ALS2: variants seen among roughly 807,000 people sequenced by gnomAD.
ALS2 encodes the protein alsin.
Under a neutral mutation model 203.4 loss-of-function variants are expected in ALS2, and 117 were observed. That is an observed-to-expected ratio of 0.58 (90% CI 0.50 to 0.67). ALS2 has a LOEUF of 0.67. Ranked by LOEUF, ALS2 falls within the 30% of genes least tolerant of loss-of-function variation. The probability of loss-of-function intolerance (pLI) is 0.00; values close to 1 mark genes in which losing one functional copy is unlikely to be tolerated. For missense variants in ALS2, 1,715 were observed against 1,989.4 expected (o/e 0.86, Z 2.62); for synonymous variants, 718 against 725.9 (o/e 0.99, Z 0.17).
intron 13 of ALS2, among the ~76,000 whole-genome samples, chr2:201,731,330 T>C (rs1015194009): frequency 3.0e-4 from 45 of 152,154 alleles, no homozygotes; most frequent in African/African-American, 1.0e-3. Flanking sequence ...TAATAGGTTA[T>C]ATATCATAAA....
chr2:201,746,762 A>T lies in ALS2; in HGVS notation c.1816-14T>A, dbSNP rs757615731. The stretch of plus-strand genomic sequence containing the variant: ...TTCACTGCTTATCTGCAACGACAGA[A>T]AGATAGTGTCTGTCCAAGATAAAGG... On this transcript the variant is annotated splice_polypyrimidine_tract_variant and intron_variant, in intron 8 of 33. Transcript: ENST00000264276. 1.2e-6 allele frequency: 2 copies of T among 1,613,882 alleles called. No homozygotes were observed. The highest frequency in any genetic ancestry group is 2.2e-5 in the South Asian group (2 of 91,080).
At position 201,701,710 on chromosome 2, in the gene ALS2, G is replaced by T; in HGVS notation, c.*141C>A. The T allele has an allele frequency of 1.3e-6, 1 of 785,310 alleles. No individual in the cohort carries two copies. The highest frequency in any genetic ancestry group is 2.2e-6 in the Non-Finnish European group (1 of 460,744). 48.6% of individuals were successfully genotyped at this position (785,310 alleles called of 1,614,324 possible). A position where few individuals can be genotyped will look rare whatever the true frequency, so the allele number is the denominator to read the frequency against. ...TTCTGGGCTCAGGGCTCTTATTATTGGTAAGGCTCATTCTAACAACCTAAA... is the reference window on the plus strand; with the variant it reads ...TTCTGGGCTCAGGGCTCTTATTATTTGTAAGGCTCATTCTAACAACCTAAA... On this transcript the variant is annotated 3_prime_UTR_variant, in exon 34 of 34. Coordinates refer to ENST00000264276, the MANE Select transcript of ALS2 (RefSeq NM_020919.4).
intron 12 of ALS2, 128 bp from the exon 13 acceptor site, chr2:201,733,566 A>G (rs1691703660): frequency 1.3e-6 from 1 of 785,808 alleles, no homozygotes; most frequent in African/African-American, 1.7e-5. Context: ...GAAAGTAGAA[A>G]TACAATGAAA....
chr2:201,718,217 A>G lies in ALS2; in HGVS notation c.3703-7T>C, dbSNP rs201333167. 3 of 1,610,204 alleles carry G rather than the reference A, an allele frequency of 1.9e-6. No homozygotes were observed. The highest frequency in any genetic ancestry group is 1.7e-4 in the Middle Eastern group (1 of 6,058). On this transcript the variant is annotated splice_polypyrimidine_tract_variant and splice_region_variant and intron_variant, in intron 23 of 33. Transcript: ENST00000264276. ...TTGGCATAGTCAGTGTTCCCTAGGT[A>G]AAGTCAGAGAATAAAATGTGGGGTT...
At position 201,705,521 on chromosome 2, in the gene ALS2, T is replaced by A. The variant is rs540512549; in HGVS notation, c.4581-60A>T. 17 of 1,355,816 alleles carry A rather than the reference T, an allele frequency of 1.3e-5. No individual in the cohort carries two copies. The South Asian group carries it at 1.8e-4, about 14-fold the overall frequency. The allele number at this position is 1,355,816 out of a possible 1,614,324, so 84.0% of individuals were successfully genotyped here. ...GTTACTTATGGTAAACAAAATCCCA[T>A]AAAAATAGTTGACAGCTATATTGGC... is the stretch of plus-strand genomic sequence containing the variant. On this transcript the variant is annotated intron_variant, in intron 29 of 33. Coordinates refer to ENST00000264276, the MANE Select transcript of ALS2 (RefSeq NM_020919.4).
Position 201,726,863 on chromosome 2 carries a change from T to G in ALS2, c.2983A>C (p.Lys995Gln). 2 of 1,613,770 alleles carry G rather than the reference T, an allele frequency of 1.2e-6. No homozygotes were observed. Among genetic ancestry groups the G allele is most frequent in the Non-Finnish European group, 1.7e-6 (2 of 1,179,862 alleles). The change falls in exon 18 of 34, where the codon AAG becomes CAG. Residue 995 changes from lysine (K) to glutamine (Q), a missense_variant. Coordinates refer to ENST00000264276, the MANE Select transcript of ALS2 (RefSeq NM_020919.4). ...GCTTGGCTTATAGCTCGTAGCCACT[T>G]TGTCTAGGAGCAAAAAGTAACGTCA... ...LISSTPQEKT[K>Q]WLRAISQAVD...
chr2:201,755,547 G>A (rs1021506846), intron 5 of ALS2, among the ~76,000 whole-genome samples: 1 of 152,168 alleles, frequency 6.6e-6, no homozygotes, highest in African/African-American at 2.4e-5. Context: ...ACAGGTGTGA[G>A]CCACTGTGCC....
At chr2:201,711,131 C>A in intron 25 of ALS2, 23 bp from the exon 26 acceptor site, 2 of 1,413,736 alleles carry the variant, frequency 1.4e-6, no homozygotes, top group South Asian at 2.3e-5. Context: ...AAAGAAAAGT[C>A]TGTTGTATTT....
chr2:201,706,443 G>C (rs1214745362), intron 29 of ALS2, among the ~76,000 whole-genome samples: 1 of 149,794 alleles, frequency 6.7e-6, no homozygotes, highest in Non-Finnish European at 1.5e-5. Context: ...TGCAAATGGA[G>C]AGGGAGGAGA....
At chr2:201,772,394 T>TA (rs1378778106) in intron 1 of ALS2, among the ~76,000 whole-genome samples, 1 of 152,334 alleles carries the variant, frequency 6.6e-6, no homozygotes, top group South Asian at 2.1e-4. Flanking sequence ...CTCTGAAAAT[T>TA]AAAAGTTTTT....
At chr2:201,745,069 A>G (rs1294343654) in intron 9 of ALS2, among the ~76,000 whole-genome samples, 1 of 152,216 alleles carries the variant, frequency 6.6e-6, no homozygotes, top group East Asian at 1.9e-4. Flanking sequence ...TTAACATCCC[A>G]TGGTAACCAA....
intron 10 of ALS2, among the ~76,000 whole-genome samples, chr2:201,742,408 C>T (rs1692339226): frequency 6.6e-6 from 1 of 152,208 alleles, no homozygotes; most frequent in East Asian, 1.9e-4. Context: ...AGAGATGGCA[C>T]CAGGATATTA....
chr2:201,780,783 C>T (rs549820206), intron 1 of ALS2, 94 bp downstream of exon 1: 1 of 153,272 alleles, frequency 6.5e-6, no homozygotes, highest in South Asian at 2.1e-4. Context: ...ACAGCCTCCG[C>T]CTAGCTCCCT....
chr2:201,759,335 G>C (rs1412291819), intron 4 of ALS2: 1 of 901,828 alleles, frequency 1.1e-6, no homozygotes, highest in African/African-American at 1.8e-5. Context: ...GAGAGTCTCA[G>C]TTATATCTCG....
intron 25 of ALS2, among the ~76,000 whole-genome samples, chr2:201,713,743 GTATTT>G (rs56659505): frequency 0.18 from 27,372 of 151,988 alleles, 2,726 homozygotes; most frequent in East Asian, 0.39. Context: ...GCACATGTGA[GTATTT>G]TATAATAGTT....
At chr2:201,760,134 G>C (rs952067874) in intron 4 of ALS2, 3 of 596,924 alleles carry the variant, frequency 5.0e-6, no homozygotes, top group Non-Finnish European at 6.3e-6. Flanking sequence ...ATGAGCCTGG[G>C]CAACAGGCTC....
chr2:201,751,457 C>A (rs1693048153), intron 7 of ALS2, among the ~76,000 whole-genome samples: 1 of 152,132 alleles, frequency 6.6e-6, no homozygotes. Flanking sequence ...AAATGATCAT[C>A]TTTTCATTTA....
At chr2:201,762,152 G>C (rs183904681) in intron 3 of ALS2, among the ~76,000 whole-genome samples, 57 of 152,218 alleles carry the variant, frequency 3.7e-4, no homozygotes, top group Non-Finnish European at 1.2e-4. Context: ...GATTCCAAGT[G>C]TTCAAAGGCA....
In ALS2 at chr2:201,701,218, A is replaced by C. The variant is rs1689367473; in HGVS notation, c.*633T>G. On this transcript the variant is annotated 3_prime_UTR_variant, in exon 34 of 34. Transcript: ENST00000264276. ...AGGCAGAAGACTCCTATTTGGATGC[A>C]TTCCACATTTTGGGGACAGAATGTG... The C allele has an allele frequency of 6.5e-6, 1 of 152,782 alleles. No homozygotes were observed. The highest frequency in any genetic ancestry group is 2.4e-5 in the African/African-American group (1 of 41,470). The allele number at this position is 152,782 out of a possible 1,614,324, so 9.5% of individuals were successfully genotyped here.
Sources: allele counts gnomAD v4.1 joint callset (sites outside exome capture counted in the v4.1 genomes callset), GRCh38; gene constraint gnomAD v4.1.1; transcripts MANE v1.5; gene names NCBI Gene and HGNC (gene_info 2026-07-23, HGNC 2026-07-21).